KAT2B: variants seen among roughly 807,000 people sequenced by gnomAD.
KAT2B encodes histone acetyltransferase KAT2B.
KAT2B carries 36 observed loss-of-function variants against 105.9 expected under a neutral mutation model. The observed-to-expected ratio is 0.34, with a 90% confidence interval of 0.26 to 0.45. The LOEUF (loss-of-function observed/expected upper bound fraction) is 0.45, where lower values mean the gene tolerates loss of function less well. KAT2B is among the 20% of genes least tolerant of loss of function. The pLI, the probability that KAT2B is intolerant of heterozygous loss-of-function variation, is 1.00. For synonymous variants in KAT2B, 397 were observed against 377.9 expected, an observed-to-expected ratio of 1.05 and a Z score of -0.59; for missense variants, 820 against 1,021.6, an observed-to-expected ratio of 0.80 and a Z score of 2.69.
In KAT2B at chr3:20,122,777, G is replaced by T; in HGVS notation, c.1386G>T (p.Thr462=). The change falls in exon 9 of 18, where the codon ACG becomes ACT. Residue 462 remains threonine, a synonymous_variant. Transcript: ENST00000263754. The part of the protein sequence containing the change: ...ELINEVMSTI[T]DPAAMLGPET... ...TCAACGAGGTTATGTCTACCATCAC[G>T]GACCCTGCAGCAATGCTTGGACCAG... 19 of 1,613,768 alleles carry T rather than the reference G, an allele frequency of 1.2e-5. No homozygotes were observed. The highest frequency in any genetic ancestry group is 1.5e-5 in the Non-Finnish European group (18 of 1,179,826).
intron 11 of KAT2B, among the ~76,000 whole-genome samples, chr3:20,135,358 A>C (rs1429837689): frequency 2.6e-5 from 4 of 152,064 alleles, no homozygotes. Flanking sequence ...AAAAACTCCG[A>C]AAAAAGTGAT....
intron 17 of KAT2B, among the ~76,000 whole-genome samples, chr3:20,149,498 A>AAAAAAAAAG (rs1396741836): frequency 7.3e-6 from 1 of 136,452 alleles, no homozygotes; most frequent in African/African-American, 2.7e-5. Flanking sequence ...CGTATCTCAA[A>AAAAAAAAAG]AAAAAAAAAA....
intron 17 of KAT2B, among the ~76,000 whole-genome samples, chr3:20,149,993 G>A (rs1233037906): frequency 6.6e-6 from 1 of 152,216 alleles, no homozygotes; most frequent in East Asian, 1.9e-4. Flanking sequence ...GACGTGCAGC[G>A]ATAGGTCTAG....
rs1699478698 is a variant in KAT2B at position 20,129,878 on chromosome 3, A to G, written c.1749+2329A>G. Among the ~76,000 whole-genome samples the G allele has an allele frequency of 2.0e-5, 3 of 152,314 alleles. No homozygotes were observed. In the South Asian group the frequency reaches 6.2e-4, roughly 32 times the overall value. Reference sequence around the variant, plus strand: ...AAACCAAAAGTAAGTCCCTGAAAGGAATCATTCTCTGCATTAGGGGCACAG... The same window carrying G: ...AAACCAAAAGTAAGTCCCTGAAAGGGATCATTCTCTGCATTAGGGGCACAG... On this transcript the variant is annotated intron_variant, in intron 11 of 17. Coordinates refer to ENST00000263754, the MANE Select transcript of KAT2B (RefSeq NM_003884.5).
chr3:20,134,437 G>C (rs561435772), intron 11 of KAT2B, among the ~76,000 whole-genome samples: 1 of 135,082 alleles, frequency 7.4e-6, no homozygotes, highest in Non-Finnish European at 1.5e-5. Context: ...TCGCTCTGTC[G>C]CCAGGCTGGA....
intron 8 of KAT2B, among the ~76,000 whole-genome samples, chr3:20,121,730 A>G (rs1014388639): frequency 1.3e-3 from 120 of 92,550 alleles, no homozygotes; most frequent in African/African-American, 3.4e-3. Flanking sequence ...ACACATATGC[A>G]TATGTGTGTG....
Position 20,040,739 on chromosome 3 carries a change from G to A in KAT2B, c.262G>A (p.Ala88Thr), listed in dbSNP as rs539433112. Residue 88 changes from alanine (A) to threonine (T), a missense_variant, in exon 1 of 18, where the codon GCC becomes ACC. Transcript: ENST00000263754. Reference sequence around the variant, plus strand: ...AGCGCAACTACGCTCCGCTCCGCGGGCCAAGAAACTGGAGAAACTCGGAGT... The same window carrying A: ...AGCGCAACTACGCTCCGCTCCGCGGACCAAGAAACTGGAGAAACTCGGAGT... ...KKAQLRSAPR[A>T]KKLEKLGVYS... 9.4e-6 allele frequency: 15 copies of A among 1,595,280 alleles called. No homozygotes were observed. In the East Asian group the frequency reaches 9.5e-5, roughly 10 times the overall value.
intron 12 of KAT2B, among the ~76,000 whole-genome samples, chr3:20,139,204 T>C (rs990485219): frequency 1.4e-5 from 2 of 147,220 alleles, no homozygotes; most frequent in African/African-American, 5.2e-5. Flanking sequence ...CATGAGCCAC[T>C]GCACCCAGCC....
chr3:20,040,900 G>C (rs1575098994), intron 1 of KAT2B, 120 bp downstream of exon 1: 1 of 1,238,842 alleles, frequency 8.1e-7, no homozygotes, highest in Non-Finnish European at 1.1e-6. Flanking sequence ...CCCGCCTGGG[G>C]CCGCTGCACC....
At chr3:20,080,421 C>T (rs1470683589) in intron 2 of KAT2B, among the ~76,000 whole-genome samples, 1 of 152,166 alleles carries the variant, frequency 6.6e-6, no homozygotes, top group Non-Finnish European at 1.5e-5. Context: ...CTGCAGAACT[C>T]TGTAGAGAGA....
chr3:20,070,359 C>A (rs1037230705), intron 1 of KAT2B, among the ~76,000 whole-genome samples: 11 of 146,290 alleles, frequency 7.5e-5, no homozygotes, highest in Non-Finnish European at 7.4e-5. Context: ...GGCTGGAGTG[C>A]AGTTGTGCAA....
At chr3:20,071,502 T>C (rs1698321463) in intron 1 of KAT2B, among the ~76,000 whole-genome samples, 1 of 152,232 alleles carries the variant, frequency 6.6e-6, no homozygotes, top group Non-Finnish European at 1.5e-5. Context: ...GAACCTTTCA[T>C]ACGTTGAGAC....
intron 11 of KAT2B, among the ~76,000 whole-genome samples, chr3:20,128,806 G>C (rs1699455608): frequency 6.6e-6 from 1 of 151,988 alleles, no homozygotes. Flanking sequence ...TCAGGAGTTT[G>C]AGACCAGCCT....
chr3:20,145,764 A>C (rs1453828942), intron 13 of KAT2B, among the ~76,000 whole-genome samples: 1 of 152,110 alleles, frequency 6.6e-6, no homozygotes, highest in Non-Finnish European at 1.5e-5. Flanking sequence ...ATGACAGCCT[A>C]CTATTATAGA....
chr3:20,068,533 C>T (rs931832675), intron 1 of KAT2B, among the ~76,000 whole-genome samples: 10 of 151,922 alleles, frequency 6.6e-5, no homozygotes, highest in Non-Finnish European at 1.2e-4. Flanking sequence ...CTGTACTCAT[C>T]CTTTTTTCTT....
rs1698762844 is a variant in KAT2B at position 20,093,714 on chromosome 3, T to C, written c.431-1549T>C. ...TTTAAATACGTATTTTAATCTTTCT[T>C]TAAAAATCATTTCAAGCACTTTAAT... is the stretch of plus-strand genomic sequence containing the variant. On this transcript the variant is annotated intron_variant, in intron 2 of 17. Transcript: ENST00000263754. Among the ~76,000 whole-genome samples, 4 of 152,188 alleles carry C rather than the reference T, an allele frequency of 2.6e-5. 1 individual carries two copies. The South Asian group carries it at 8.3e-4, about 31-fold the overall frequency.
intron 17 of KAT2B, chr3:20,148,775 T>G (rs568838732): frequency 6.5e-6 from 2 of 309,858 alleles, no homozygotes; most frequent in Non-Finnish European, 1.2e-5. Flanking sequence ...GCTGGCACTT[T>G]AGATATAACT....
chr3:20,077,097 C>T (rs1321189061), intron 2 of KAT2B, among the ~76,000 whole-genome samples: 1 of 152,178 alleles, frequency 6.6e-6, no homozygotes, highest in Non-Finnish European at 1.5e-5. Context: ...TAATTTAATA[C>T]TGTTCTGTGT....
rs1699886296 is a variant in KAT2B, at chr3:20,152,487, T to C, written c.2461T>C (p.Phe821Leu). The change falls in exon 18 of 18, where the codon TTC becomes CTC. Residue 821 changes from phenylalanine to leucine, a missense_variant. By Grantham distance (22) the Phe-to-Leu change is conservative. Around this residue, in one of 6 missense-constraint regions of KAT2B, gnomAD observed 227 missense variants for 292.9 expected, o/e 0.77. Coordinates refer to ENST00000263754, the MANE Select transcript of KAT2B (RefSeq NM_003884.5). The part of the protein sequence containing the change: ...KCANILEKFF[F>L]SKIKEAGLID... ...TGCCAATATCCTGGAGAAATTCTTCTTCAGTAAAATTAAGGAAGCTGGATT... is the reference window on the plus strand; with the variant it reads ...TGCCAATATCCTGGAGAAATTCTTCCTCAGTAAAATTAAGGAAGCTGGATT... The C allele has an allele frequency of 3.1e-6, 5 of 1,613,340 alleles. No individual in the cohort carries two copies. The highest frequency in any genetic ancestry group is 4.2e-6 in the Non-Finnish European group (5 of 1,179,526).
Sources: gnomAD v4.1 joint callset for allele counts (sites outside exome capture counted in the v4.1 genomes callset) on GRCh38, gnomAD v4.1.1 for gene constraint, gnomAD v4.1.1 regional missense constraint, MANE v1.5 for transcripts, NCBI Gene and HGNC (gene_info 2026-07-23, HGNC 2026-07-21) for gene names.